MEI4: variants seen among roughly 807,000 people sequenced by gnomAD.
The protein encoded by MEI4 is meiosis-specific protein MEI4.
A neutral mutation model predicts 31.4 loss-of-function variants in MEI4; 27 were observed. The observed-to-expected ratio is 0.86, with a 90% CI of 0.63 to 1.19. The LOEUF (loss-of-function observed/expected upper bound fraction) is 1.19, where lower values mean the gene tolerates loss of function less well. Ranked by LOEUF, MEI4 falls within the 50% of genes most tolerant of loss-of-function variation. The pLI is 0.00. For synonymous variants in MEI4, 122 were observed against 145.4 expected (o/e 0.84, Z 1.16); for missense variants, 329 against 398.9 (o/e 0.82, Z 1.49).
At chr6:77,800,749 T>G (rs1328151355) in intron 3 of MEI4, among the ~76,000 whole-genome samples, 4 of 152,212 alleles carry the variant, frequency 2.6e-5, no homozygotes, top group Non-Finnish European at 5.9e-5. Context: ...ATTGAGATAA[T>G]CATGTGGTTT....
In MEI4 at chr6:77,920,353, A is replaced by G. The variant is rs563493067; in HGVS notation, c.901-2736A>G. On this transcript the variant is annotated intron_variant, in intron 4 of 4. Transcript: ENST00000684080. Reference sequence around the variant, plus strand: ...TGCAAGGCTGTTTCAATATACGCAAATCAATAAATGTAATACAGCATATAA... The same window carrying G: ...TGCAAGGCTGTTTCAATATACGCAAGTCAATAAATGTAATACAGCATATAA... 7.9e-5 allele frequency among the ~76,000 whole-genome samples: 12 copies of G among 152,126 alleles called. No individual in the cohort carries two copies. In the South Asian group the frequency reaches 1.0e-3, roughly 13 times the overall value.
chr6:77,752,425 A>G (rs1193743080), intron 2 of MEI4, among the ~76,000 whole-genome samples: 1 of 152,202 alleles, frequency 6.6e-6, no homozygotes, highest in Non-Finnish European at 1.5e-5. Flanking sequence ...CTCAGGATAC[A>G]AAATCAATGT....
intron 2 of MEI4, among the ~76,000 whole-genome samples, chr6:77,702,807 A>T (rs1387223705): frequency 6.6e-6 from 1 of 152,102 alleles, no homozygotes; most frequent in Non-Finnish European, 1.5e-5. Flanking sequence ...AGACATATCA[A>T]ATTTCTTCCA....
At chr6:77,775,811 C>A (rs1768423436) in intron 3 of MEI4, among the ~76,000 whole-genome samples, 1 of 152,146 alleles carries the variant, frequency 6.6e-6, no homozygotes, top group South Asian at 2.1e-4. Flanking sequence ...TCCGTTCCCA[C>A]CAGAAGTGTA....
At chr6:77,805,706 A>G (rs890409741) in intron 3 of MEI4, among the ~76,000 whole-genome samples, 3 of 152,150 alleles carry the variant, frequency 2.0e-5, no homozygotes, top group Non-Finnish European at 2.9e-5. Flanking sequence ...AGAAAATTCT[A>G]AAAGGATAAT....
At chr6:77,739,793 A>G (rs1022535976) in intron 2 of MEI4, among the ~76,000 whole-genome samples, 8 of 149,960 alleles carry the variant, frequency 5.3e-5, no homozygotes, top group African/African-American at 7.3e-5. Context: ...TTGTGTCTCA[A>G]TGTCTTTTAG....
intron 3 of MEI4, among the ~76,000 whole-genome samples, chr6:77,811,972 T>C (rs759735771): frequency 1.5e-4 from 23 of 152,138 alleles, no homozygotes; most frequent in Non-Finnish European, 2.8e-4. Context: ...TGTAGGCAAT[T>C]AATAAACTTA....
chr6:77,678,395 C>G (rs560270226), intron 1 of MEI4, among the ~76,000 whole-genome samples: 1 of 152,040 alleles, frequency 6.6e-6, no homozygotes, highest in African/African-American at 2.4e-5. Flanking sequence ...AAGGCAAGTT[C>G]TGATTGGTAG....
chr6:77,791,506 G>T (rs1226832085), intron 3 of MEI4, among the ~76,000 whole-genome samples: 1 of 137,198 alleles, frequency 7.3e-6, no homozygotes, highest in African/African-American at 2.8e-5. Context: ...ACAGGAAGGG[G>T]AATATCACAC....
intron 4 of MEI4, among the ~76,000 whole-genome samples, chr6:77,872,406 G>C (rs1413770463): frequency 1.3e-5 from 2 of 151,936 alleles, no homozygotes; most frequent in Non-Finnish European, 2.9e-5. Context: ...GATCATGCCT[G>C]TGTATAGCCA....
chr6:77,844,617 T>G (rs1770435914), intron 4 of MEI4, among the ~76,000 whole-genome samples: 1 of 152,178 alleles, frequency 6.6e-6, no homozygotes, highest in Non-Finnish European at 1.5e-5. Flanking sequence ...TATTCAGAAA[T>G]TGGTAATTTT....
chr6:77,701,726 AAAGT>A (rs919803811), intron 2 of MEI4, among the ~76,000 whole-genome samples: 35 of 152,274 alleles, frequency 2.3e-4, no homozygotes, highest in African/African-American at 8.2e-4. Context: ...GAGTGAAAAG[AAAGT>A]AAGAAAAAAT....
At chr6:77,738,229 C>T (rs1455605199) in intron 2 of MEI4, among the ~76,000 whole-genome samples, 1 of 152,154 alleles carries the variant, frequency 6.6e-6, no homozygotes. Flanking sequence ...TAGAGCCAAG[C>T]TGACCCACAA....
intron 3 of MEI4, among the ~76,000 whole-genome samples, chr6:77,806,867 C>A (rs9352530): frequency 3.9e-5 from 6 of 151,978 alleles, no homozygotes; most frequent in African/African-American, 7.3e-5. Flanking sequence ...ACATCTACAC[C>A]CATGTGTTTA....
chr6:77,775,595 A>T (rs1768419453), intron 3 of MEI4, among the ~76,000 whole-genome samples: 1 of 151,952 alleles, frequency 6.6e-6, no homozygotes, highest in African/African-American at 2.4e-5. Flanking sequence ...ATTGATGGGC[A>T]TTTGGGCCAG....
intron 4 of MEI4, among the ~76,000 whole-genome samples, chr6:77,905,002 C>T (rs1381877510): frequency 6.6e-6 from 1 of 151,994 alleles, no homozygotes; most frequent in Non-Finnish European, 1.5e-5. Flanking sequence ...GAGTTTTATA[C>T]TTTCATGTTT....
At chr6:77,666,152 G>A (rs1768627827) in intron 1 of MEI4, among the ~76,000 whole-genome samples, 1 of 152,214 alleles carries the variant, frequency 6.6e-6, no homozygotes, top group East Asian at 1.9e-4. Context: ...GGGATAGGCG[G>A]TGAAGTTAAG....
intron 2 of MEI4, among the ~76,000 whole-genome samples, chr6:77,713,904 G>GT (rs989684634): frequency 9.1e-4 from 137 of 151,070 alleles, no homozygotes; most frequent in African/African-American, 3.0e-3. Flanking sequence ...TGCCTCTACA[G>GT]TTTTTTTTTC....
intron 4 of MEI4, among the ~76,000 whole-genome samples, chr6:77,835,816 TG>T (rs1770206869): frequency 6.6e-6 from 1 of 152,070 alleles, no homozygotes; most frequent in South Asian, 2.1e-4. Flanking sequence ...AATGAGTATT[TG>T]ATAATAGTTA....
Sources: gnomAD v4.1 joint callset for allele counts (sites outside exome capture counted in the v4.1 genomes callset) on GRCh38, gnomAD v4.1.1 for gene constraint, MANE v1.5 for transcripts, NCBI Gene and HGNC (gene_info 2026-07-23, HGNC 2026-07-21) for gene names.